Variants in SORCS3 observed in about 807,000 individuals in gnomAD.
SORCS3 encodes the protein sortilin related VPS10 domain containing receptor 3.
A neutral mutation model predicts 146.3 loss-of-function variants in SORCS3; 57 were observed. The ratio of observed to expected loss-of-function variants is 0.39; its 90% CI spans 0.31 to 0.49. The LOEUF is 0.49. SORCS3 is among the 20% of genes least tolerant of loss of function. SORCS3 has a pLI of 0.92. For synonymous variants in SORCS3, 653 were observed against 618.5 expected (o/e 1.06, Z -0.83); for missense variants, 1,341 against 1,575.5 (o/e 0.85, Z 2.52).
chr10:104,880,927 A>G (rs2018624020), intron 2 of SORCS3, among the ~76,000 whole-genome samples: 1 of 152,148 alleles, frequency 6.6e-6, no homozygotes, highest in Non-Finnish European at 1.5e-5. Context: ...CAGGGGAGAA[A>G]GACACTAATA....
rs1212373709 is a variant in SORCS3, at chr10:105,242,815, ATTTTTATATATAAATTATATATATATT to A, written c.2869-2723_2869-2697del. ...ATACATTTATATATAATTTATATAT[ATTTTTATATATAAATTATATATATATT>A]TTTATATATAAATTATATATATATT... On this transcript the variant is annotated intron_variant, in intron 20 of 26. Transcript: ENST00000369701. Among the ~76,000 whole-genome samples the A allele has an allele frequency of 5.9e-3, 373 of 63,160 alleles. 1 individual carries two copies. The highest frequency in any genetic ancestry group is 0.031 in the South Asian group (55 of 1,768). The allele number at this position is 63,160 out of a possible 152,430, so 41.4% of individuals were successfully genotyped here.
intron 8 of SORCS3, among the ~76,000 whole-genome samples, chr10:105,146,681 T>C (rs1439835799): frequency 6.6e-6 from 1 of 152,072 alleles, no homozygotes; most frequent in Non-Finnish European, 1.5e-5. Flanking sequence ...ACCACAGAGG[T>C]TTAAAAGCTG....
intron 9 of SORCS3, 150 bp from the exon 10 acceptor site, chr10:105,156,988 A>T: frequency 2.4e-6 from 2 of 831,144 alleles, no homozygotes; most frequent in Non-Finnish European, 1.9e-6. Flanking sequence ...CAGAGACCAC[A>T]TGGCATTCAA....
chr10:105,074,930 C>T (rs892010701), intron 5 of SORCS3, among the ~76,000 whole-genome samples: 1 of 152,192 alleles, frequency 6.6e-6, no homozygotes, highest in African/African-American at 2.4e-5. Flanking sequence ...CAGTAATTGG[C>T]AACATCCATT....
intron 1 of SORCS3, among the ~76,000 whole-genome samples, chr10:104,823,950 A>G (rs1589513133): frequency 6.6e-6 from 1 of 152,124 alleles, no homozygotes; most frequent in South Asian, 2.1e-4. Context: ...TATGAGAAAG[A>G]CCTGACCAGC....
At chr10:104,679,899 TAAACTGAA>T (rs941052691) in intron 1 of SORCS3, among the ~76,000 whole-genome samples, 10 of 152,262 alleles carry the variant, frequency 6.6e-5, no homozygotes, top group South Asian at 2.1e-4. Context: ...TTTTTTTAAT[TAAACTGAA>T]ACATGGGATT....
chr10:105,119,268 T>C (rs1201974139), intron 7 of SORCS3, among the ~76,000 whole-genome samples: 1 of 152,170 alleles, frequency 6.6e-6, no homozygotes, highest in Non-Finnish European at 1.5e-5. Context: ...AGTCAAGAAT[T>C]GAGGTTTGGG....
intron 22 of SORCS3, among the ~76,000 whole-genome samples, chr10:105,251,888 C>G (rs1485726395): frequency 6.6e-6 from 1 of 151,886 alleles, no homozygotes; most frequent in Non-Finnish European, 1.5e-5. Flanking sequence ...TTTTTTTCTT[C>G]TATATATTTG....
At chr10:105,063,290 G>C (rs955653121) in intron 5 of SORCS3, among the ~76,000 whole-genome samples, 1 of 152,158 alleles carries the variant, frequency 6.6e-6, no homozygotes, top group African/African-American at 2.4e-5. Flanking sequence ...CAACCTGAGA[G>C]ATGTGCTGGT....
chr10:104,929,360 A>G (rs1347795563), intron 3 of SORCS3, among the ~76,000 whole-genome samples: 1 of 152,194 alleles, frequency 6.6e-6, no homozygotes, highest in Non-Finnish European at 1.5e-5. Context: ...GGCACTCCAT[A>G]TCAATGTAGC....
intron 2 of SORCS3, among the ~76,000 whole-genome samples, chr10:104,846,960 A>G (rs1166776011): frequency 6.6e-6 from 1 of 152,192 alleles, no homozygotes; most frequent in African/African-American, 2.4e-5. Context: ...ATCTTCAAAA[A>G]TGGAAAGTCT....
At chr10:105,260,971 G>A (rs2056956970) in intron 25 of SORCS3, among the ~76,000 whole-genome samples, 3 of 152,168 alleles carry the variant, frequency 2.0e-5, no homozygotes, top group Admixed American at 2.0e-4. Flanking sequence ...ATATAGTATA[G>A]TAAAGTAGAA....
intron 11 of SORCS3, among the ~76,000 whole-genome samples, chr10:105,160,267 C>T (rs1314473265): frequency 6.6e-6 from 1 of 152,118 alleles, no homozygotes; most frequent in East Asian, 1.9e-4. Context: ...TTTTCATTGG[C>T]AAAGTGGGCA....
At chr10:104,956,507 G>C (rs1055591827) in intron 3 of SORCS3, among the ~76,000 whole-genome samples, 1 of 152,126 alleles carries the variant, frequency 6.6e-6, no homozygotes, top group African/African-American at 2.4e-5. Context: ...CCCAACATTT[G>C]TTGAACGTAT....
Position 104,762,604 on chromosome 10 carries a change from T to C in SORCS3, c.628-80188T>C, listed in dbSNP as rs1193965896. On this transcript the variant is annotated intron_variant, in intron 1 of 26. Transcript: ENST00000369701. ...ATCTCATCTCAAATTGTAATCCTAA[T>C]GTGTCGAGGGAAGGACCTGATGGGA... 2.6e-5 allele frequency among the ~76,000 whole-genome samples: 4 copies of C among 152,280 alleles called. No homozygotes were observed. The East Asian group carries it at 7.7e-4, about 29-fold the overall frequency.
chr10:104,756,837 G>A (rs550686857), intron 1 of SORCS3, among the ~76,000 whole-genome samples: 5 of 152,302 alleles, frequency 3.3e-5, no homozygotes, highest in Admixed American at 1.3e-4. Context: ...TTCATGCTCT[G>A]TGCTAGTGTA....
chr10:104,696,668 TATATAACATATATA>T (rs1564661571), intron 1 of SORCS3, among the ~76,000 whole-genome samples: 694 of 10,392 alleles, frequency 0.067, 3 homozygotes, highest in Non-Finnish European at 0.085. Flanking sequence ...GTATATATAA[TATATAACATATATA>T]ATATATAATA....
At chr10:104,896,185 T>C (rs1298834044) in intron 2 of SORCS3, among the ~76,000 whole-genome samples, 2 of 152,120 alleles carry the variant, frequency 1.3e-5, no homozygotes, top group African/African-American at 4.8e-5. Flanking sequence ...CAGATTGCAC[T>C]GACCAGATGG....
chr10:105,199,924 C>G (rs927725792), intron 14 of SORCS3, 75 bp from the exon 15 acceptor site: 1 of 1,052,262 alleles, frequency 9.5e-7, no homozygotes, highest in Non-Finnish European at 1.5e-6. Flanking sequence ...TATCTCCTTC[C>G]TAGTTTCTGT....
Sources: allele counts gnomAD v4.1 joint callset (sites outside exome capture counted in the v4.1 genomes callset), GRCh38; gene constraint gnomAD v4.1.1; transcripts MANE v1.5; gene names NCBI Gene and HGNC (gene_info 2026-07-23, HGNC 2026-07-21).